Variants in PPP3CA observed in about 807,000 individuals in gnomAD.
PPP3CA encodes the protein CAM-PRP catalytic subunit.
In PPP3CA, 14 loss-of-function variants were observed where a neutral mutation model predicts 66.5. The observed-to-expected ratio is 0.21, with a 90% CI of 0.14 to 0.33. The LOEUF (loss-of-function observed/expected upper bound fraction) is 0.33. Among genes scored for constraint, PPP3CA ranks in the 10% least tolerant of loss-of-function variants. The pLI, the probability that PPP3CA is intolerant of heterozygous loss-of-function variation, is 1.00. For synonymous variants in PPP3CA, 232 were observed against 226.2 expected (o/e 1.03, Z -0.23); for missense variants, 317 against 639.5 (o/e 0.50, Z 5.44).
chr4:101,132,499 G>C (rs997843709), intron 2 of PPP3CA, among the ~76,000 whole-genome samples: 1 of 152,128 alleles, frequency 6.6e-6, no homozygotes, highest in African/African-American at 2.4e-5. Context: ...AGAAAATCTA[G>C]AAGAAATGGA....
intron 1 of PPP3CA, among the ~76,000 whole-genome samples, chr4:101,232,149 T>C (rs1274204013): frequency 1.3e-5 from 2 of 151,700 alleles, no homozygotes; most frequent in African/African-American, 4.8e-5. Flanking sequence ...AAAACACTGA[T>C]ACCTAATTTA....
At chr4:101,036,572 C>T (rs1361142921) in intron 11 of PPP3CA, among the ~76,000 whole-genome samples, 1 of 152,126 alleles carries the variant, frequency 6.6e-6, no homozygotes, top group Non-Finnish European at 1.5e-5. Context: ...CCACCACGCC[C>T]AGCTAATTTT....
chr4:101,109,308 TAAAAAA>T (rs70961775), intron 2 of PPP3CA, among the ~76,000 whole-genome samples: 1 of 90,060 alleles, frequency 1.1e-5, no homozygotes, highest in South Asian at 3.8e-4. Flanking sequence ...ACAGATTAAC[TAAAAAA>T]AAAAAAAAAA....
intron 2 of PPP3CA, among the ~76,000 whole-genome samples, chr4:101,182,693 T>G (rs1724279108): frequency 6.6e-6 from 1 of 152,102 alleles, no homozygotes; most frequent in African/African-American, 2.4e-5. Flanking sequence ...AAATCTAGAT[T>G]TTGTGTTTGA....
chr4:101,110,150 T>C (rs973677552), intron 2 of PPP3CA, among the ~76,000 whole-genome samples: 1 of 152,154 alleles, frequency 6.6e-6, no homozygotes, highest in Non-Finnish European at 1.5e-5. Flanking sequence ...GCTTGAATGG[T>C]GAACATGATG....
chr4:101,258,165 C>A (rs1157920492), intron 1 of PPP3CA, among the ~76,000 whole-genome samples: 1 of 151,962 alleles, frequency 6.6e-6, no homozygotes, highest in South Asian at 2.1e-4. Context: ...AGTATAAATA[C>A]AAAATTATCA....
chr4:101,130,106 A>G (rs1009936221), intron 2 of PPP3CA, among the ~76,000 whole-genome samples: 3 of 152,062 alleles, frequency 2.0e-5, no homozygotes, highest in Non-Finnish European at 2.9e-5. Flanking sequence ...TGAAGCACAT[A>G]GAAGAAGCAA....
chr4:101,333,496 G>A (rs1340286228), intron 1 of PPP3CA, among the ~76,000 whole-genome samples: 6 of 151,682 alleles, frequency 4.0e-5, no homozygotes, highest in Admixed American at 3.9e-4. Flanking sequence ...TTAATAGGAA[G>A]ACAATCTATA....
chr4:101,262,990 A>G (rs1270665791), intron 1 of PPP3CA, among the ~76,000 whole-genome samples: 1 of 152,146 alleles, frequency 6.6e-6, no homozygotes, highest in African/African-American at 2.4e-5. Flanking sequence ...AAATATACCA[A>G]TAGAATCCAC....
chr4:101,249,631 T>A (rs747258627), intron 1 of PPP3CA, among the ~76,000 whole-genome samples: 1 of 152,174 alleles, frequency 6.6e-6, no homozygotes, highest in Non-Finnish European at 1.5e-5. Flanking sequence ...GGGTTTTAAG[T>A]ACATGGCAGA....
intron 1 of PPP3CA, among the ~76,000 whole-genome samples, chr4:101,287,508 G>A (rs187284949): frequency 7.5e-4 from 114 of 152,214 alleles, no homozygotes; most frequent in African/African-American, 2.0e-3. Flanking sequence ...GTGGCAACAT[G>A]TTAATTTCCT....
intron 5 of PPP3CA, among the ~76,000 whole-genome samples, chr4:101,097,631 A>G (rs1437579387): frequency 1.3e-5 from 2 of 152,112 alleles, no homozygotes; most frequent in African/African-American, 4.8e-5. Context: ...ATTACTCTCT[A>G]TCTTTTACAT....
intron 2 of PPP3CA, among the ~76,000 whole-genome samples, chr4:101,171,815 A>T (rs938049342): frequency 6.6e-6 from 1 of 152,198 alleles, no homozygotes; most frequent in South Asian, 2.1e-4. Context: ...AAATATATGC[A>T]ATTGTGTAAT....
chr4:101,073,307 C>T (rs1173315728), intron 8 of PPP3CA, among the ~76,000 whole-genome samples: 3 of 148,026 alleles, frequency 2.0e-5, no homozygotes, highest in African/African-American at 7.5e-5. Context: ...GATGGAGTCT[C>T]ACTCTATTGC....
intron 1 of PPP3CA, among the ~76,000 whole-genome samples, chr4:101,206,531 G>A (rs1376675271): frequency 6.6e-6 from 1 of 152,130 alleles, no homozygotes; most frequent in Non-Finnish European, 1.5e-5. Context: ...AAGTAATTAA[G>A]GAAAGAGATT....
chr4:101,124,797 AAG>A (rs145677516), intron 2 of PPP3CA, among the ~76,000 whole-genome samples: 6,806 of 100,800 alleles, frequency 0.068, 564 homozygotes, highest in African/African-American at 0.14. Context: ...GAAAGAAAGA[AAG>A]AGAAAACTGT....
At chr4:101,159,208 G>A (rs190158324) in intron 2 of PPP3CA, among the ~76,000 whole-genome samples, 9 of 152,298 alleles carry the variant, frequency 5.9e-5, no homozygotes, top group Admixed American at 2.0e-4. Context: ...AGAAGAGCTC[G>A]TTAGGTGGTA....
intron 1 of PPP3CA, among the ~76,000 whole-genome samples, chr4:101,242,120 A>G (rs543473181): frequency 1.3e-5 from 2 of 152,046 alleles, no homozygotes; most frequent in Admixed American, 1.3e-4. Flanking sequence ...TAGATATAAA[A>G]ATGCTTAAAA....
chr4:101,046,987 C>A (rs1189580766), intron 10 of PPP3CA, among the ~76,000 whole-genome samples: 1 of 152,140 alleles, frequency 6.6e-6, no homozygotes, highest in Non-Finnish European at 1.5e-5. Context: ...TAGCTTTTTA[C>A]AGATGACGAA....
Sources: allele counts gnomAD v4.1 joint callset (sites outside exome capture counted in the v4.1 genomes callset), GRCh38; gene constraint gnomAD v4.1.1; transcripts MANE v1.5; gene names NCBI Gene and HGNC (gene_info 2026-07-23, HGNC 2026-07-21).